The following SPIN1 variants were observed in gnomAD, a reference collection of about 807,000 sequenced individuals.
The protein encoded by SPIN1 is spindlin 1.
A neutral mutation model predicts 26.0 loss-of-function variants in SPIN1; 3 were observed. The observed-to-expected ratio is 0.12, with a 90% CI of 0.05 to 0.30. The LOEUF is 0.30. Among genes scored for constraint, SPIN1 ranks in the 10% least tolerant of loss-of-function variants. SPIN1 has a pLI of 1.00. For synonymous variants in SPIN1, 101 were observed against 116.5 expected (o/e 0.87, Z 0.86); for missense variants, 126 against 333.4 (o/e 0.38, Z 4.84).
intron 3 of SPIN1, among the ~76,000 whole-genome samples, chr9:88,450,905 CCTG>C (rs1243064482): frequency 6.6e-6 from 1 of 152,028 alleles, no homozygotes; most frequent in East Asian, 1.9e-4. Flanking sequence ...GAAGAGGCTG[CCTG>C]GTGGGGACGC....
chr9:88,439,068 TA>T (rs1290329801), intron 2 of SPIN1, among the ~76,000 whole-genome samples: 1 of 152,112 alleles, frequency 6.6e-6, no homozygotes, highest in Non-Finnish European at 1.5e-5. Flanking sequence ...TTTTCTCACC[TA>T]AAAAAATAAA....
At chr9:88,407,282 A>T (rs750273255) in intron 1 of SPIN1, among the ~76,000 whole-genome samples, 14 of 151,916 alleles carry the variant, frequency 9.2e-5, no homozygotes, top group Admixed American at 5.3e-4. Flanking sequence ...GACTACATAC[A>T]GGTGTGCGCC....
At chr9:88,402,623 T>A (rs1241900745) in intron 1 of SPIN1, among the ~76,000 whole-genome samples, 1 of 152,104 alleles carries the variant, frequency 6.6e-6, no homozygotes, top group Non-Finnish European at 1.5e-5. Context: ...GCTTCACCCA[T>A]GTTGCTGCAA....
At chr9:88,406,169 C>T (rs888697678) in intron 1 of SPIN1, among the ~76,000 whole-genome samples, 1 of 151,940 alleles carries the variant, frequency 6.6e-6, no homozygotes, top group Non-Finnish European at 1.5e-5. Flanking sequence ...CTGTGCCTGG[C>T]TCTATTATAA....
intron 5 of SPIN1, among the ~76,000 whole-genome samples, chr9:88,472,932 T>A (rs989405880): frequency 6.6e-6 from 1 of 152,232 alleles, no homozygotes; most frequent in Non-Finnish European, 1.5e-5. Context: ...TTCAAACACA[T>A]GAATCTCTGG....
chr9:88,390,707 G>A (rs185885231), intron 1 of SPIN1, among the ~76,000 whole-genome samples: 329 of 152,306 alleles, frequency 2.2e-3, no homozygotes, highest in Admixed American at 4.1e-3. Flanking sequence ...CAGTTTAGAA[G>A]ATGTTATGGT....
intron 4 of SPIN1, among the ~76,000 whole-genome samples, chr9:88,467,567 G>C (rs1587816226): frequency 6.6e-6 from 1 of 152,182 alleles, no homozygotes; most frequent in East Asian, 1.9e-4. Context: ...AAGAAGAGCA[G>C]AGTAGAGAAC....
At chr9:88,458,481 A>C (rs1828516828) in intron 3 of SPIN1, among the ~76,000 whole-genome samples, 2 of 152,186 alleles carry the variant, frequency 1.3e-5, no homozygotes, top group Non-Finnish European at 2.9e-5. Context: ...GGTGTCTAGT[A>C]TGAAAACTGC....
chr9:88,394,611 A>T (rs1232566394), intron 1 of SPIN1, among the ~76,000 whole-genome samples: 3 of 152,192 alleles, frequency 2.0e-5, no homozygotes, highest in Non-Finnish European at 2.9e-5. Flanking sequence ...AAATAACACT[A>T]ATAAGCAACT....
intron 1 of SPIN1, among the ~76,000 whole-genome samples, chr9:88,404,038 TATAGTATGTGACTGA>T (rs966885701): frequency 1.8e-4 from 27 of 152,310 alleles, no homozygotes; most frequent in African/African-American, 6.3e-4. Context: ...TGCAAACCTG[TATAGTATGTGACTGA>T]ACTGAATACT....
intron 2 of SPIN1, among the ~76,000 whole-genome samples, chr9:88,438,917 T>G (rs539621568): frequency 1.3e-5 from 2 of 152,292 alleles, no homozygotes; most frequent in Admixed American, 6.5e-5. Context: ...TGTCAATTTA[T>G]ATGATCGAAG....
intron 2 of SPIN1, among the ~76,000 whole-genome samples, chr9:88,443,128 A>C (rs139760854): frequency 4.1e-4 from 63 of 151,862 alleles, no homozygotes; most frequent in East Asian, 3.9e-3. Context: ...TCAAAAAAAA[A>C]AAAAAACAAA....
chr9:88,416,522 A>C (rs752862487), intron 1 of SPIN1: 2 of 152,198 alleles, frequency 1.3e-5, no homozygotes, highest in Non-Finnish European at 2.9e-5. Flanking sequence ...CTTAGTTACA[A>C]ACTTAACTGG....
chr9:88,452,602 G>T (rs560414012), intron 3 of SPIN1, among the ~76,000 whole-genome samples: 2 of 152,282 alleles, frequency 1.3e-5, no homozygotes, highest in African/African-American at 4.8e-5. Context: ...GACATCTCTG[G>T]TATTCCCAAA....
At chr9:88,447,500 G>A (rs994931048) in intron 2 of SPIN1, among the ~76,000 whole-genome samples, 4 of 152,088 alleles carry the variant, frequency 2.6e-5, no homozygotes, top group Non-Finnish European at 5.9e-5. Flanking sequence ...CACGTGCTGA[G>A]CTTTTGTTCC....
intron 3 of SPIN1, chr9:88,457,987 A>G (rs1564040648): frequency 3.0e-6 from 3 of 985,110 alleles, no homozygotes; most frequent in Non-Finnish European, 2.4e-6. Flanking sequence ...TTTTTCTTTT[A>G]CTAAGGATTT....
chr9:88,466,791 G>T (rs1007234698), intron 4 of SPIN1, among the ~76,000 whole-genome samples: 12 of 152,190 alleles, frequency 7.9e-5, no homozygotes, highest in Non-Finnish European at 1.5e-4. Context: ...AGGCTGGAGT[G>T]CAGTGGCGCC....
chr9:88,409,278 AG>A (rs1827386563), intron 1 of SPIN1, among the ~76,000 whole-genome samples: 1 of 150,772 alleles, frequency 6.6e-6, no homozygotes, highest in African/African-American at 2.4e-5. Context: ...TACAGGCGTG[AG>A]CCACTGTGCC....
intron 1 of SPIN1, among the ~76,000 whole-genome samples, chr9:88,413,475 C>G (rs1358537580): frequency 1.3e-5 from 2 of 152,062 alleles, no homozygotes; most frequent in East Asian, 3.9e-4. Flanking sequence ...CCTCAGCCTC[C>G]CAGGTTCAAG....
Sources: gnomAD v4.1 joint callset for allele counts (sites outside exome capture counted in the v4.1 genomes callset) on GRCh38, gnomAD v4.1.1 for gene constraint, MANE v1.5 for transcripts, NCBI Gene and HGNC (gene_info 2026-07-23, HGNC 2026-07-21) for gene names.